ZNF385D: variants seen among roughly 807,000 people sequenced by gnomAD.
ZNF385D encodes zinc finger protein 659.
Under a neutral mutation model 35.8 loss-of-function variants are expected in ZNF385D, and 15 were observed. The ratio of observed to expected loss-of-function variants is 0.42; its 90% confidence interval spans 0.28 to 0.64. The LOEUF is 0.64. Ranked by LOEUF, ZNF385D falls within the 30% of genes least tolerant of loss-of-function variation. The pLI is 0.23. For missense variants in ZNF385D, 474 were observed against 494.6 expected, an observed-to-expected ratio of 0.96 and a Z score of 0.39; for synonymous variants, 212 against 186.8, an observed-to-expected ratio of 1.13 and a Z score of -1.10.
rs1391974595 is a variant in ZNF385D, at chr3:21,734,353, A to AT, written c.22+16541dup. Reference sequence around the variant, plus strand: ...AAAAGAATAATTACTTTTTGTAAAGATTTTTTTTGTTTTTCTTTTTTAAAA... The same window carrying AT: ...AAAAGAATAATTACTTTTTGTAAAGATTTTTTTTTGTTTTTCTTTTTTAAAA... On this transcript the variant is annotated intron_variant, in intron 1 of 7. Transcript: ENST00000281523. 6.9e-5 allele frequency among the ~76,000 whole-genome samples: 9 copies of AT among 129,776 alleles called. No homozygotes were observed. The East Asian group carries it at 2.0e-3, about 29-fold the overall frequency. 85.1% of individuals were successfully genotyped at this position (129,776 alleles called of 152,430 possible).
chr3:22,331,960 C>T (rs1389624688), intron 2 of ZNF385D, among the ~76,000 whole-genome samples: 1 of 152,018 alleles, frequency 6.6e-6, no homozygotes, highest in Non-Finnish European at 1.5e-5. Context: ...CTAAATATCA[C>T]TTATTAGATT....
At chr3:21,512,129 G>C (rs2125471580) in intron 3 of ZNF385D, among the ~76,000 whole-genome samples, 1 of 127,542 alleles carries the variant, frequency 7.8e-6, no homozygotes, top group East Asian at 2.2e-4. Flanking sequence ...CCTGGTGACA[G>C]AGCGAGACTC....
chr3:22,020,780 T>C (rs533018101), intron 3 of ZNF385D, among the ~76,000 whole-genome samples: 1 of 152,082 alleles, frequency 6.6e-6, no homozygotes, highest in Non-Finnish European at 1.5e-5. Context: ...ACTGGGTATC[T>C]ACTGAAAGGA....
At chr3:22,232,992 T>A (rs937613731) in intron 2 of ZNF385D, among the ~76,000 whole-genome samples, 3 of 152,186 alleles carry the variant, frequency 2.0e-5, no homozygotes, top group Non-Finnish European at 2.9e-5. Context: ...TGTTTTAAAT[T>A]CTAAGTTTAA....
At chr3:21,870,654 G>C (rs1384200157) in intron 3 of ZNF385D, among the ~76,000 whole-genome samples, 1 of 152,082 alleles carries the variant, frequency 6.6e-6, no homozygotes, top group African/African-American at 2.4e-5. Context: ...ATGGCCAACT[G>C]TTATCAATCT....
At chr3:21,600,851 G>T (rs949178290) in intron 2 of ZNF385D, among the ~76,000 whole-genome samples, 7 of 150,224 alleles carry the variant, frequency 4.7e-5, no homozygotes, top group Admixed American at 2.0e-4. Context: ...AGGTTTTAAA[G>T]ATAAACTTGA....
chr3:22,237,496 A>AATTTTT (rs1699252849), intron 2 of ZNF385D, among the ~76,000 whole-genome samples: 1 of 152,058 alleles, frequency 6.6e-6, no homozygotes, highest in South Asian at 2.1e-4. Context: ...CAGATGTTTT[A>AATTTTT]ATTTTTATGT....
At chr3:21,827,195 A>G (rs925304443) in intron 3 of ZNF385D, among the ~76,000 whole-genome samples, 1 of 152,178 alleles carries the variant, frequency 6.6e-6, no homozygotes, top group African/African-American at 2.4e-5. Flanking sequence ...TACCACCATC[A>G]ATATTTATGT....
chr3:21,981,545 T>G (rs767837577), intron 3 of ZNF385D, among the ~76,000 whole-genome samples: 6 of 152,214 alleles, frequency 3.9e-5, no homozygotes, highest in Non-Finnish European at 8.8e-5. Context: ...TCTTTTGCTG[T>G]GCAGATGCTC....
intron 2 of ZNF385D, among the ~76,000 whole-genome samples, chr3:22,171,360 T>C (rs1454004788): frequency 6.6e-6 from 1 of 152,166 alleles, no homozygotes; most frequent in African/African-American, 2.4e-5. Flanking sequence ...GGGGAAAATA[T>C]TGGAGAATTT....
At chr3:22,061,862 A>G (rs1699704131) in intron 3 of ZNF385D, among the ~76,000 whole-genome samples, 1 of 151,896 alleles carries the variant, frequency 6.6e-6, no homozygotes, top group African/African-American at 2.4e-5. Context: ...TTGTTTATTG[A>G]TTGTCTCTGC....
intron 3 of ZNF385D, among the ~76,000 whole-genome samples, chr3:21,511,998 C>G (rs926440956): frequency 3.3e-5 from 5 of 151,188 alleles, no homozygotes; most frequent in African/African-American, 4.8e-5. Context: ...AATACAAAAA[C>G]TAGCTGGGTG....
chr3:21,856,510 G>A (rs148595998), intron 3 of ZNF385D, among the ~76,000 whole-genome samples: 87 of 151,910 alleles, frequency 5.7e-4, no homozygotes, highest in African/African-American at 2.1e-3. Flanking sequence ...TTTCAAAATC[G>A]GCTGTAATCC....
intron 2 of ZNF385D, among the ~76,000 whole-genome samples, chr3:22,333,544 TCTTTA>T (rs751909980): frequency 9.2e-5 from 14 of 152,196 alleles, no homozygotes; most frequent in Non-Finnish European, 1.6e-4. Context: ...TCTGTTGTCA[TCTTTA>T]CTTTGACATT....
chr3:22,045,027 T>C (rs1698899626), intron 3 of ZNF385D, among the ~76,000 whole-genome samples: 1 of 152,012 alleles, frequency 6.6e-6, no homozygotes, highest in African/African-American at 2.4e-5. Flanking sequence ...AAAACAAAAA[T>C]GCTGTTAATT....
intron 3 of ZNF385D, among the ~76,000 whole-genome samples, chr3:21,774,184 T>A (rs1215209310): frequency 2.0e-5 from 3 of 151,670 alleles, no homozygotes. Flanking sequence ...AATCAAATAG[T>A]GCATGTCCTC....
intron 3 of ZNF385D, among the ~76,000 whole-genome samples, chr3:22,106,320 T>C (rs1702210987): frequency 6.6e-6 from 1 of 152,128 alleles, no homozygotes; most frequent in Non-Finnish European, 1.5e-5. Context: ...TAAGGACAAT[T>C]ACTGCTTACA....
intron 3 of ZNF385D, among the ~76,000 whole-genome samples, chr3:21,930,299 G>T (rs976968782): frequency 6.8e-6 from 1 of 148,148 alleles, no homozygotes. Flanking sequence ...AACTAGAAAC[G>T]GATCATAGAT....
At chr3:21,443,375 G>A in intron 4 of ZNF385D, 1 of 983,468 alleles carries the variant, frequency 1.0e-6, no homozygotes, top group South Asian at 4.7e-5. Flanking sequence ...TAGATATATG[G>A]CATATAGTCT....
Sources: gnomAD v4.1 joint callset for allele counts (sites outside exome capture counted in the v4.1 genomes callset) on GRCh38, gnomAD v4.1.1 for gene constraint, MANE v1.5 for transcripts, NCBI Gene and HGNC (gene_info 2026-07-23, HGNC 2026-07-21) for gene names.